The following TDP1 variants were observed in gnomAD, a reference collection of about 807,000 sequenced individuals.
TDP1 encodes the protein tyrosyl-DNA phosphodiesterase 1.
Under a neutral mutation model 81.5 loss-of-function variants are expected in TDP1, and 64 were observed. The ratio of observed to expected loss-of-function variants is 0.79; its 90% CI spans 0.64 to 0.97. The LOEUF (loss-of-function observed/expected upper bound fraction) is 0.97. Among genes scored for constraint, TDP1 ranks in the 50% least tolerant of loss-of-function variants. The pLI, the probability that TDP1 is intolerant of heterozygous loss-of-function variation, is 0.00. For synonymous variants in TDP1, 256 were observed against 264.3 expected (o/e 0.97, Z 0.30); for missense variants, 723 against 743.8 (o/e 0.97, Z 0.33).
At chr14:90,019,776 A>G (rs1424011381) in intron 15 of TDP1, among the ~76,000 whole-genome samples, 2 of 152,192 alleles carry the variant, frequency 1.3e-5, no homozygotes, top group Non-Finnish European at 2.9e-5. Context: ...AAGTTGTTTT[A>G]GGTAGGGGTG....
rs886050882 is a variant in TDP1, at chr14:89,955,969, A to C, written c.-232A>C. 3 of 152,468 alleles carry C rather than the reference A, an allele frequency of 2.0e-5. No homozygotes were observed. The highest frequency in any genetic ancestry group is 4.4e-5 in the Non-Finnish European group (3 of 68,244). 9.4% of individuals were successfully genotyped at this position (152,468 alleles called of 1,614,324 possible). On this transcript the variant is annotated splice_region_variant and 5_prime_UTR_variant, in exon 1 of 17. Coordinates refer to ENST00000335725, the MANE Select transcript of TDP1 (RefSeq NM_018319.4). Reference sequence around the variant, plus strand: ...GGCAAGCGTTGGTTCTGTGCGCCTCAGGTACGTGTTGGGCGGCAGTGGGCG... The same window carrying C: ...GGCAAGCGTTGGTTCTGTGCGCCTCCGGTACGTGTTGGGCGGCAGTGGGCG...
In TDP1 at chr14:89,959,133, CTG is replaced by C. The variant is rs560411216; in HGVS notation, c.-8+2336_-8+2337del. ...CCAATCACTTCCACTTCAGGAAACACTGTGCCGTTCTGATTGAGTGCCAGGAT... is the reference window on the plus strand; with the variant it reads ...CCAATCACTTCCACTTCAGGAAACACTGCCGTTCTGATTGAGTGCCAGGAT... On this transcript the variant is annotated intron_variant, in intron 2 of 16. Coordinates refer to ENST00000335725, the MANE Select transcript of TDP1 (RefSeq NM_018319.4). 2.6e-5 allele frequency among the ~76,000 whole-genome samples: 4 copies of C among 152,336 alleles called. No individual in the cohort carries two copies. The South Asian group carries it at 6.2e-4, about 24-fold the overall frequency.
At chr14:90,042,989 TA>T (rs767970165) in intron 16 of TDP1, 80 bp from the exon 17 acceptor site, 101 of 1,609,572 alleles carry the variant, frequency 6.3e-5, no homozygotes, top group Non-Finnish European at 8.2e-5. Flanking sequence ...GTCAAGCACA[TA>T]AGTGTTTTTA....
intron 14 of TDP1, among the ~76,000 whole-genome samples, chr14:90,005,701 C>A (rs1443934076): frequency 1.3e-5 from 2 of 152,204 alleles, no homozygotes; most frequent in Non-Finnish European, 2.9e-5. Context: ...GTCTGTTGCT[C>A]TTTTCAAGTC....
At chr14:89,994,999 C>T (rs988712897) in intron 14 of TDP1, among the ~76,000 whole-genome samples, 1 of 152,200 alleles carries the variant, frequency 6.6e-6, no homozygotes, top group Non-Finnish European at 1.5e-5. Flanking sequence ...TCAGTTTACT[C>T]ATTTAATATT....
Position 89,967,331 on chromosome 14 carries a change from C to T in TDP1, c.604-36C>T, listed in dbSNP as rs751816934. ...CCTTATGAACTGTTTGGCAGAATTACCTATGGCTTAGTTACTCTTCTTTTC... is the reference window on the plus strand; with the variant it reads ...CCTTATGAACTGTTTGGCAGAATTATCTATGGCTTAGTTACTCTTCTTTTC... On this transcript the variant is annotated intron_variant, in intron 4 of 16. Transcript: ENST00000335725. 15 of 1,601,616 alleles carry T rather than the reference C, an allele frequency of 9.4e-6. No individual in the cohort carries two copies. In the East Asian group the frequency reaches 1.3e-4, roughly 14 times the overall value.
chr14:90,022,030 A>G lies in TDP1; in HGVS notation c.1644+2612A>G, dbSNP rs539579907. Among the ~76,000 whole-genome samples the G allele has an allele frequency of 2.6e-5, 4 of 152,300 alleles. No homozygotes were observed. The South Asian group carries it at 8.3e-4, about 32-fold the overall frequency. ...AGTGAATCACAAATGACTTGGGCAG[A>G]GTGCTCTAATCAGGCATTGTGGACG... On this transcript the variant is annotated intron_variant, in intron 15 of 16. Coordinates refer to ENST00000335725, the MANE Select transcript of TDP1 (RefSeq NM_018319.4).
At chr14:90,020,241 A>T (rs576819510) in intron 15 of TDP1, among the ~76,000 whole-genome samples, 2 of 152,144 alleles carry the variant, frequency 1.3e-5, no homozygotes, top group Non-Finnish European at 2.9e-5. Flanking sequence ...TAAGAGGCAC[A>T]TGGACTGAGA....
intron 14 of TDP1, among the ~76,000 whole-genome samples, chr14:89,995,395 C>A (rs917890897): frequency 2.0e-5 from 3 of 152,152 alleles, no homozygotes; most frequent in Non-Finnish European, 4.4e-5. Flanking sequence ...GTCTGATGCC[C>A]CCTCTTAATC....
chr14:89,971,085 C>T, intron 5 of TDP1, 90 bp from the exon 6 acceptor site: 3 of 1,130,062 alleles, frequency 2.7e-6, no homozygotes, highest in Non-Finnish European at 3.9e-6. Flanking sequence ...GTCCACCTGC[C>T]TCGGCCTCCC....
chr14:89,979,645 T>C (rs576326160), intron 7 of TDP1, among the ~76,000 whole-genome samples: 2 of 152,242 alleles, frequency 1.3e-5, no homozygotes, highest in East Asian at 1.9e-4. Context: ...ACAATAGTCC[T>C]GAAGTGGGGT....
rs1388666953 is a variant in TDP1, at chr14:90,029,515, T to G, written c.1645-3591T>G. Reference sequence around the variant, plus strand: ...CACCCGGCCTTTTTTTTTTTTTTTTTGAGACAGAGTTTCATCACTGTCACC... The same window carrying G: ...CACCCGGCCTTTTTTTTTTTTTTTTGGAGACAGAGTTTCATCACTGTCACC... On this transcript the variant is annotated intron_variant, in intron 15 of 16. Transcript: ENST00000335725. Among the ~76,000 whole-genome samples the G allele has an allele frequency of 2.1e-5, 3 of 146,172 alleles. No individual in the cohort carries two copies. In the East Asian group the frequency reaches 6.0e-4, roughly 29 times the overall value.
At chr14:89,995,593 T>C (rs1896593626) in intron 14 of TDP1, among the ~76,000 whole-genome samples, 1 of 152,242 alleles carries the variant, frequency 6.6e-6, no homozygotes, top group African/African-American at 2.4e-5. Flanking sequence ...CTCTCAGCCC[T>C]TCCATAATAA....
In TDP1 at chr14:89,997,394, A is replaced by G. The variant is rs73326485; in HGVS notation, c.1541+3911A>G. Among the ~76,000 whole-genome samples, 906 of 152,272 alleles carry G rather than the reference A, an allele frequency of 5.9e-3. 6 individuals are homozygous for G. The highest frequency in any genetic ancestry group is 0.021 in the African/African-American group (869 of 41,556). On this transcript the variant is annotated intron_variant, in intron 14 of 16. Transcript: ENST00000335725. ...CAAAGGTGATTCCTGAGTTTGGGGT[A>G]TGTAGATGGGGATTGTCACTGATAT...
intron 14 of TDP1, among the ~76,000 whole-genome samples, chr14:90,014,404 G>A (rs952194746): frequency 6.6e-6 from 1 of 152,224 alleles, no homozygotes; most frequent in Admixed American, 6.5e-5. Flanking sequence ...GTCTGTGTTT[G>A]TGGCACACAC....
At chr14:89,982,126 CTCCCCACTCCCTT>C (rs1168338946) in intron 8 of TDP1, among the ~76,000 whole-genome samples, 1 of 152,148 alleles carries the variant, frequency 6.6e-6, no homozygotes, top group African/African-American at 2.4e-5. Context: ...CTCTTGTTCC[CTCCCCACTCCCTT>C]GCCCCACCAT....
rs73326500 is a variant in TDP1 at position 90,000,058 on chromosome 14, A to G, written c.1541+6575A>G. ...GCTGTGCTCTCATCTGAAGCTTGGGAGTCCTCTTTCAAGCTCACGGTTGCT... is the reference window on the plus strand; with the variant it reads ...GCTGTGCTCTCATCTGAAGCTTGGGGGTCCTCTTTCAAGCTCACGGTTGCT... On this transcript the variant is annotated intron_variant, in intron 14 of 16. Coordinates refer to ENST00000335725, the MANE Select transcript of TDP1 (RefSeq NM_018319.4). 6.0e-3 allele frequency among the ~76,000 whole-genome samples: 906 copies of G among 152,212 alleles called. 6 individuals carry two copies. Among genetic ancestry groups the G allele is most frequent in the African/African-American group, 0.021 (869 of 41,520 alleles).
chr14:90,006,118 A>C (rs1013150944), intron 14 of TDP1, among the ~76,000 whole-genome samples: 1 of 152,156 alleles, frequency 6.6e-6, no homozygotes, highest in Non-Finnish European at 1.5e-5. Flanking sequence ...CTGAGGAACA[A>C]AGTGAGGTTG....
chr14:89,970,127 C>T (rs893963605), intron 5 of TDP1, among the ~76,000 whole-genome samples: 10 of 152,016 alleles, frequency 6.6e-5, no homozygotes, highest in African/African-American at 2.4e-4. Context: ...CTGCCCGCCT[C>T]GGCCTCCCAA....
Sources: gnomAD v4.1 joint callset for allele counts (sites outside exome capture counted in the v4.1 genomes callset) on GRCh38, gnomAD v4.1.1 for gene constraint, MANE v1.5 for transcripts, NCBI Gene and HGNC (gene_info 2026-07-23, HGNC 2026-07-21) for gene names.